The following SEMA6A variants were observed in gnomAD, a reference collection of about 807,000 sequenced individuals.
SEMA6A encodes semaphorin 6A.
Under a neutral mutation model 96.8 loss-of-function variants are expected in SEMA6A, and 25 were observed. The ratio of observed to expected loss-of-function variants is 0.26; its 90% CI spans 0.19 to 0.36. The LOEUF (loss-of-function observed/expected upper bound fraction) is 0.36, where lower values mean the gene tolerates loss of function less well. SEMA6A is among the 10% of genes least tolerant of loss of function. The probability of loss-of-function intolerance (pLI) is 1.00; values close to 1 mark genes in which losing one functional copy is unlikely to be tolerated. For missense variants in SEMA6A, 1,363 were observed against 1,323.1 expected (o/e 1.03, Z -0.47); for synonymous variants, 612 against 518.0 (o/e 1.18, Z -2.46).
intron 16 of SEMA6A, 34 bp downstream of exon 16, chr5:116,475,511 C>G: frequency 1.3e-6 from 2 of 1,496,432 alleles, no homozygotes; most frequent in Non-Finnish European, 1.8e-6. Flanking sequence ...GCATCTTTGC[C>G]CAAAGATAAA....
intron 9 of SEMA6A, chr5:116,487,183 CAG>C (rs1757093563): frequency 5.9e-6 from 3 of 508,516 alleles, no homozygotes; most frequent in African/African-American, 3.9e-5. Context: ...GCATTTAATA[CAG>C]AGTCATAAAT....
chr5:116,562,658 G>A (rs183232569), intron 1 of SEMA6A: 22 of 704,730 alleles, frequency 3.1e-5, no homozygotes, highest in Non-Finnish European at 5.1e-5. Flanking sequence ...CCGCCATATC[G>A]TTGCACCCTT....
intron 1 of SEMA6A, among the ~76,000 whole-genome samples, chr5:116,525,968 C>T (rs540130759): frequency 9.2e-5 from 14 of 152,290 alleles, no homozygotes; most frequent in African/African-American, 3.4e-4. Flanking sequence ...TCTCTGGAAT[C>T]TTTTCACCTA....
chr5:116,522,905 C>T (rs1005973181), intron 1 of SEMA6A, among the ~76,000 whole-genome samples: 2 of 152,134 alleles, frequency 1.3e-5, no homozygotes, highest in African/African-American at 4.8e-5. Flanking sequence ...AGTGTCCTCC[C>T]CTGAGACAGT....
At chr5:116,485,870 A>C (rs912152051) in intron 10 of SEMA6A, among the ~76,000 whole-genome samples, 1 of 152,194 alleles carries the variant, frequency 6.6e-6, no homozygotes, top group African/African-American at 2.4e-5. Context: ...GAGGACTCTG[A>C]AATCTTGTTG....
intron 1 of SEMA6A, among the ~76,000 whole-genome samples, chr5:116,518,039 T>G (rs1758749938): frequency 6.6e-6 from 1 of 152,248 alleles, no homozygotes. Flanking sequence ...TACAGGTACC[T>G]GCCTTTAATT....
At chr5:116,520,683 C>T (rs1259220929) in intron 1 of SEMA6A, among the ~76,000 whole-genome samples, 2 of 152,162 alleles carry the variant, frequency 1.3e-5, no homozygotes, top group African/African-American at 2.4e-5. Flanking sequence ...CCCTGTAACA[C>T]ACACATGGAC....
intron 12 of SEMA6A, among the ~76,000 whole-genome samples, chr5:116,479,232 G>A (rs114974511): frequency 0.012 from 1,765 of 152,266 alleles, 41 homozygotes; most frequent in African/African-American, 0.04. Context: ...ACTAAAAACT[G>A]TAAGGACCTG....
intron 1 of SEMA6A, among the ~76,000 whole-genome samples, chr5:116,563,532 G>A (rs1464940062): frequency 6.6e-6 from 1 of 152,120 alleles, no homozygotes; most frequent in African/African-American, 2.4e-5. Flanking sequence ...GCACACAAAA[G>A]AAAATCTGTA....
intron 16 of SEMA6A, among the ~76,000 whole-genome samples, chr5:116,473,755 T>C (rs1306304765): frequency 1.3e-5 from 2 of 152,164 alleles, no homozygotes; most frequent in Non-Finnish European, 2.9e-5. Flanking sequence ...CCTCCCTGAA[T>C]ACCTATGTGG....
At chr5:116,567,767 A>T (rs545668614) in intron 1 of SEMA6A, among the ~76,000 whole-genome samples, 1 of 152,296 alleles carries the variant, frequency 6.6e-6, no homozygotes, top group African/African-American at 2.4e-5. Flanking sequence ...ACGCCACAAG[A>T]TCTAACGAAT....
chr5:116,478,341 CAT>C (rs1331198826), intron 13 of SEMA6A, 187 bp from the exon 14 acceptor site: 5 of 758,826 alleles, frequency 6.6e-6, no homozygotes, highest in Admixed American at 2.9e-5. Context: ...AACACACACA[CAT>C]ATATGTATCT....
In SEMA6A at chr5:116,444,386, A is replaced by G. The variant is rs969388266; in HGVS notation, c.*2227T>C. 6.6e-6 allele frequency: 1 copy of G among 152,224 alleles called. No homozygotes were observed. Among genetic ancestry groups the G allele is most frequent in the African/African-American group, 2.4e-5 (1 of 41,458 alleles). The allele number at this position is 152,224 out of a possible 1,614,324, so 9.4% of individuals were successfully genotyped here. A position where few individuals can be genotyped will look rare whatever the true frequency, so the allele number is the denominator to read the frequency against. ...ATTATGGAGGCTCCACTTTTTCACTATCCAACTCAAAACTGTCATTGTCAG... is the reference window on the plus strand; with the variant it reads ...ATTATGGAGGCTCCACTTTTTCACTGTCCAACTCAAAACTGTCATTGTCAG... On this transcript the variant is annotated 3_prime_UTR_variant, in exon 19 of 19. Coordinates refer to ENST00000343348, the MANE Select transcript of SEMA6A (RefSeq NM_020796.5).
At chr5:116,503,293 C>T (rs937153503) in intron 2 of SEMA6A, among the ~76,000 whole-genome samples, 2 of 152,170 alleles carry the variant, frequency 1.3e-5, no homozygotes, top group African/African-American at 4.8e-5. Context: ...CTTGTAGTAT[C>T]TGACCATTAC....
intron 11 of SEMA6A, among the ~76,000 whole-genome samples, chr5:116,481,756 C>A (rs1361818057): frequency 1.3e-5 from 2 of 152,110 alleles, no homozygotes; most frequent in Non-Finnish European, 2.9e-5. Flanking sequence ...TCCCTCCTGT[C>A]CCAGTTAGGA....
chr5:116,511,787 T>C (rs1758416738), intron 1 of SEMA6A, among the ~76,000 whole-genome samples: 1 of 152,208 alleles, frequency 6.6e-6, no homozygotes, highest in African/African-American at 2.4e-5. Context: ...TGAACACCAC[T>C]GTGTTAAGTG....
intron 5 of SEMA6A, chr5:116,496,012 A>G (rs1034364810): frequency 4.2e-5 from 19 of 454,002 alleles, no homozygotes; most frequent in African/African-American, 3.0e-4. Context: ...CTTTGTGTCC[A>G]TAATCCTGTG....
rs1289157601 is a variant in SEMA6A at position 116,478,011 on chromosome 5, T to C, written c.1568+3A>G. 2 of 1,613,950 alleles carry C rather than the reference T, an allele frequency of 1.2e-6. No individual in the cohort carries two copies. Among genetic ancestry groups the C allele is most frequent in the East Asian group, 2.2e-5 (1 of 44,886 alleles). On this transcript the variant is annotated splice_donor_region_variant and intron_variant, in intron 14 of 18. Coordinates refer to ENST00000343348, the MANE Select transcript of SEMA6A (RefSeq NM_020796.5). Reference sequence around the variant, plus strand: ...CTAATTGTCAATGAGGCAAAATACATACTTTTTACACTTCCCATGTCGTTC... The same window carrying C: ...CTAATTGTCAATGAGGCAAAATACACACTTTTTACACTTCCCATGTCGTTC...
At chr5:116,450,248 G>C (rs1484647384) in intron 18 of SEMA6A, among the ~76,000 whole-genome samples, 1 of 151,990 alleles carries the variant, frequency 6.6e-6, no homozygotes, top group Non-Finnish European at 1.5e-5. Flanking sequence ...CCCAGTAATG[G>C]GGTGGGGGTG....
Sources: gnomAD v4.1 joint callset for allele counts (sites outside exome capture counted in the v4.1 genomes callset) on GRCh38, gnomAD v4.1.1 for gene constraint, MANE v1.5 for transcripts, NCBI Gene and HGNC (gene_info 2026-07-23, HGNC 2026-07-21) for gene names.